BZW1: variants seen among roughly 807,000 people sequenced by gnomAD.
BZW1 encodes the protein basic leucine zipper and W2 domains 1.
Under a neutral mutation model 54.1 loss-of-function variants are expected in BZW1, and 3 were observed. The observed-to-expected ratio is 0.06, with a 90% CI of 0.03 to 0.14. The LOEUF is 0.14. BZW1 is among the 10% of genes least tolerant of loss of function. BZW1 has a pLI of 1.00. For synonymous variants in BZW1, 152 were observed against 162.7 expected (o/e 0.93, Z 0.50); for missense variants, 206 against 491.7 (o/e 0.42, Z 5.50).
chr2:200,812,573 T>C (rs1372765797), intron 1 of BZW1: 28 of 1,409,854 alleles, frequency 2.0e-5, no homozygotes, highest in South Asian at 4.7e-5. Flanking sequence ...GGGTGATCTG[T>C]GGCTCGGGCG....
intron 2 of BZW1, 130 bp from the exon 3 acceptor site, chr2:200,815,211 G>A: frequency 1.0e-6 from 1 of 981,776 alleles, no homozygotes; most frequent in East Asian, 2.7e-5. Flanking sequence ...TACACTTGCA[G>A]AGGGGAAACA....
chr2:200,819,067 G>A (rs980612811), intron 9 of BZW1, 166 bp downstream of exon 9: 2 of 827,210 alleles, frequency 2.4e-6, no homozygotes, highest in East Asian at 3.2e-5. Flanking sequence ...ATAATGCTCT[G>A]AATTGGGCTG....
At chr2:200,815,204 A>G (rs2038238709) in intron 2 of BZW1, 137 bp from the exon 3 acceptor site, 1 of 920,708 alleles carries the variant, frequency 1.1e-6, no homozygotes, top group Non-Finnish European at 1.6e-6. Context: ...CTTGTCTTAC[A>G]CTTGCAGAGG....
At position 200,826,946 on chromosome 2, in the gene BZW1, T is replaced by C. The variant is rs1410040172; in HGVS notation, c.*4768T>C. On this transcript the variant is annotated 3_prime_UTR_variant, in exon 12 of 12. Coordinates refer to ENST00000409600, the MANE Select transcript of BZW1 (RefSeq NM_001207067.2). ...GGACAAAAATAGTTTACAGCTTTTTTTTTTTTAATCTGAAATCCTGAAGGC... is the reference window on the plus strand; with the variant it reads ...GGACAAAAATAGTTTACAGCTTTTTCTTTTTTAATCTGAAATCCTGAAGGC... 7.9e-6 allele frequency: 1 copy of C among 126,958 alleles called. No homozygotes were observed. Among genetic ancestry groups the C allele is most frequent in the African/African-American group, 3.6e-5 (1 of 27,850 alleles). The allele number at this position is 126,958 out of a possible 1,614,324, so 7.9% of individuals were successfully genotyped here.
intron 5 of BZW1, among the ~76,000 whole-genome samples, chr2:200,816,657 A>G (rs112672074): frequency 6.6e-5 from 10 of 152,142 alleles, no homozygotes; most frequent in African/African-American, 2.4e-4. Flanking sequence ...ATGCCCAGCT[A>G]ATTTTCTGTT....
At chr2:200,812,590 ATGG>A in intron 1 of BZW1, 2 of 1,396,770 alleles carry the variant, frequency 1.4e-6, no homozygotes, top group Non-Finnish European at 1.9e-6. Flanking sequence ...GGCGGGAGGC[ATGG>A]GAAGGGTGTG....
At chr2:200,813,576 C>T (rs2038169735) in intron 2 of BZW1, among the ~76,000 whole-genome samples, 1 of 152,174 alleles carries the variant, frequency 6.6e-6, no homozygotes, top group Non-Finnish European at 1.5e-5. Context: ...CACTAGCAGG[C>T]AGTCTCATTT....
At chr2:200,816,522 ACT>A (rs1426815400) in intron 5 of BZW1, 132 bp downstream of exon 5, 35 of 543,914 alleles carry the variant, frequency 6.4e-5, no homozygotes, top group Middle Eastern at 4.8e-4. Flanking sequence ...ACAGAGCCTC[ACT>A]CTGTGTCCCA....
At chr2:200,817,825 T>TA in intron 6 of BZW1, 149 bp from the exon 7 acceptor site, 1 of 575,668 alleles carries the variant, frequency 1.7e-6, no homozygotes, top group South Asian at 2.6e-5. Context: ...GGAGAAGTGA[T>TA]AAACTGTGGC....
intron 6 of BZW1, among the ~76,000 whole-genome samples, chr2:200,817,735 C>T (rs772011604): frequency 6.6e-5 from 10 of 151,378 alleles, no homozygotes; most frequent in African/African-American, 2.4e-4. Flanking sequence ...GAGACTGTTG[C>T]CCTCAATTTA....
rs1474797270 is a variant in BZW1, at chr2:200,826,331, G to C, written c.*4153G>C. 7.0e-6 allele frequency: 1 copy of C among 142,438 alleles called. No individual in the cohort carries two copies. The highest frequency in any genetic ancestry group is 2.6e-5 in the African/African-American group (1 of 38,344). 8.8% of individuals were successfully genotyped at this position (142,438 alleles called of 1,614,324 possible). On this transcript the variant is annotated 3_prime_UTR_variant, in exon 12 of 12. Transcript: ENST00000409600. ...TTATCATCCTTTCATCTTTATGCTA[G>C]GAGTATAGTCTCAGTTCTTAATGAG... is the stretch of plus-strand genomic sequence containing the variant.
rs574767769 is a variant in BZW1, at chr2:200,818,605, G to A, written c.820-150G>A. ...CTGGAGCTCAGGGCACCTTTCAGTT[G>A]TAAAGGTCTCTTTTTATATGTGGTA... On this transcript the variant is annotated intron_variant, in intron 8 of 11. Coordinates refer to ENST00000409600, the MANE Select transcript of BZW1 (RefSeq NM_001207067.2). The A allele has an allele frequency of 2.9e-5, 30 of 1,033,302 alleles. No individual in the cohort carries two copies. The East Asian group carries it at 5.7e-4, about 20-fold the overall frequency. 64.0% of individuals were successfully genotyped at this position (1,033,302 alleles called of 1,614,324 possible).
chr2:200,812,678 T>A, intron 1 of BZW1: 1 of 1,057,060 alleles, frequency 9.5e-7, no homozygotes, highest in African/African-American at 1.6e-5. Flanking sequence ...TGGCTGTTAG[T>A]TTTGCAGGCC....
Position 200,812,217 on chromosome 2 carries a change from C to T in BZW1, c.-11+227C>T, listed in dbSNP as rs544521724. 163 of 1,227,144 alleles carry T rather than the reference C, an allele frequency of 1.3e-4. 1 individual carries two copies. The African/African-American group carries it at 2.4e-3, about 18-fold the overall frequency. The allele number at this position is 1,227,144 out of a possible 1,614,324, so 76.0% of individuals were successfully genotyped here. A position where few individuals can be genotyped will look rare whatever the true frequency, so the allele number is the denominator to read the frequency against. On this transcript the variant is annotated intron_variant, in intron 1 of 11. Transcript: ENST00000409600. ...GGAGGTGGGGTCCGGGTGTGCGCCG[C>T]GGCGCTGGCTGCGAAGGCAGTGGCC...
chr2:200,822,149 TCTGAATCTGAAG>T lies in BZW1; in HGVS notation c.1237_1248del (p.Ser413_Glu416del), dbSNP rs1437795509. ...ACTGTTTTTTTCCCCTTTTCTAGAA[TCTGAATCTGAAG>T]CTGAAGAAGGTGACTGAATTTTGAA... is the stretch of plus-strand genomic sequence containing the variant. On this transcript the variant is annotated inframe_deletion, in exon 12 of 12. Coordinates refer to ENST00000409600, the MANE Select transcript of BZW1 (RefSeq NM_001207067.2). 6.2e-7 allele frequency: 1 copy of T among 1,605,336 alleles called. No homozygotes were observed. The highest frequency in any genetic ancestry group is 8.5e-7 in the Non-Finnish European group (1 of 1,175,106).
chr2:200,819,576 C>T (rs11898250), intron 9 of BZW1, among the ~76,000 whole-genome samples: 100,605 of 145,898 alleles, frequency 0.69, 34,320 homozygotes, highest in Non-Finnish European at 0.73. Context: ...TTTTTTTTTT[C>T]TCTTGAGACA....
At position 200,813,194 on chromosome 2, in the gene BZW1, T is replaced by C. The variant is rs1311970200; in HGVS notation, c.-10-14T>C. ...TATGGCACTGATATTAAGGCTTTATTTCTCCTTTCCTAGGGTGTCTTTTAT... is the reference window on the plus strand; with the variant it reads ...TATGGCACTGATATTAAGGCTTTATCTCTCCTTTCCTAGGGTGTCTTTTAT... On this transcript the variant is annotated splice_polypyrimidine_tract_variant and intron_variant, in intron 1 of 11. Transcript: ENST00000409600. 5 of 1,608,442 alleles carry C rather than the reference T, an allele frequency of 3.1e-6. No individual in the cohort carries two copies. In the Admixed American group the frequency reaches 8.3e-5, roughly 27 times the overall value.
chr2:200,820,211 C>T, intron 10 of BZW1, 91 bp downstream of exon 10: 1 of 1,176,878 alleles, frequency 8.5e-7, no homozygotes, highest in Non-Finnish European at 1.2e-6. Context: ...TGGACATCAG[C>T]TCCCTGAAAT....
chr2:200,815,265 C>G, intron 2 of BZW1, 76 bp from the exon 3 acceptor site: 1 of 1,391,200 alleles, frequency 7.2e-7, no homozygotes, highest in Non-Finnish European at 9.7e-7. Flanking sequence ...ACAATTGCAT[C>G]TTCATAAGGT....
Sources: gnomAD v4.1 joint callset for allele counts (sites outside exome capture counted in the v4.1 genomes callset) on GRCh38, gnomAD v4.1.1 for gene constraint, MANE v1.5 for transcripts, NCBI Gene and HGNC (gene_info 2026-07-23, HGNC 2026-07-21) for gene names.